The following EML6 variants were observed in gnomAD, a reference collection of about 807,000 sequenced individuals.
The protein encoded by EML6 is echinoderm microtubule-associated protein-like 6.
Under a neutral mutation model 240.1 loss-of-function variants are expected in EML6, and 154 were observed. That is an observed-to-expected ratio of 0.64 (90% confidence interval 0.56 to 0.73). The LOEUF (loss-of-function observed/expected upper bound fraction) is 0.73, where lower values mean the gene tolerates loss of function less well. Among genes scored for constraint, EML6 ranks in the 30% least tolerant of loss-of-function variants. The pLI is 0.00. For missense variants in EML6, 2,964 were observed against 2,474.6 expected, an observed-to-expected ratio of 1.20 and a Z score of -4.20; for synonymous variants, 1,148 against 899.0, an observed-to-expected ratio of 1.28 and a Z score of -4.95.
intron 3 of EML6, among the ~76,000 whole-genome samples, chr2:54,815,764 C>T (rs762085324): frequency 6.6e-6 from 1 of 152,190 alleles, no homozygotes. Flanking sequence ...TGAAGAATCC[C>T]TGCATAACAG....
In EML6 at chr2:54,960,225, A is replaced by G; in HGVS notation, c.4859A>G (p.Lys1620Arg). 2 of 1,550,950 alleles carry G rather than the reference A, an allele frequency of 1.3e-6. No homozygotes were observed. Among genetic ancestry groups the G allele is most frequent in the Non-Finnish European group, 1.7e-6 (2 of 1,146,422 alleles). ...TCCCTTTCAATCTTTTTTAGGACCA[A>G]AGAAGGAGGTGCTGTAAAATTGTGG... ...IVTGGKERPT[K>R]EGGAVKLWDQ... The change falls in exon 35 of 42, where the codon AAA becomes AGA. Residue 1620 changes from lysine to arginine, a missense_variant. Physicochemically the swap from Lys to Arg is conservative, Grantham distance 26 (BLOSUM62 2). Transcript: ENST00000356458.
At chr2:54,851,133 G>A (rs2103753194) in intron 10 of EML6, among the ~76,000 whole-genome samples, 1 of 152,308 alleles carries the variant, frequency 6.6e-6, no homozygotes, top group Non-Finnish European at 1.5e-5. Flanking sequence ...ATGAGGCCAG[G>A]CATGGTGGCT....
chr2:54,743,883 A>G (rs138765118), intron 2 of EML6, among the ~76,000 whole-genome samples: 183 of 152,314 alleles, frequency 1.2e-3, no homozygotes, highest in African/African-American at 4.1e-3. Context: ...CATCTTGCAC[A>G]TATCTTTGAA....
At chr2:54,955,309 G>A (rs1021244445) in intron 32 of EML6, among the ~76,000 whole-genome samples, 5 of 152,118 alleles carry the variant, frequency 3.3e-5, no homozygotes, top group Non-Finnish European at 7.4e-5. Flanking sequence ...CTTGGAGTGG[G>A]AAGAACTAGA....
At chr2:54,846,945 G>T (rs1669794406) in intron 8 of EML6, among the ~76,000 whole-genome samples, 1 of 75,042 alleles carries the variant, frequency 1.3e-5, no homozygotes, top group Non-Finnish European at 3.4e-5. Context: ...TTGGAGACAG[G>T]GCCTTGCACT....
chr2:54,926,534 A>G (rs1335261926), intron 26 of EML6, among the ~76,000 whole-genome samples: 4 of 152,238 alleles, frequency 2.6e-5, no homozygotes, highest in South Asian at 2.1e-4. Context: ...CATTCATCCC[A>G]ATGGCTGTGC....
chr2:54,740,015 G>C (rs753448460), intron 2 of EML6, among the ~76,000 whole-genome samples: 1 of 152,214 alleles, frequency 6.6e-6, no homozygotes, highest in African/African-American at 2.4e-5. Context: ...GACTTAGTCA[G>C]CTGGTTGAAT....
chr2:54,748,892 C>G (rs1205458259), intron 2 of EML6, among the ~76,000 whole-genome samples: 1 of 152,246 alleles, frequency 6.6e-6, no homozygotes, highest in Non-Finnish European at 1.5e-5. Flanking sequence ...TTTGTCAGTT[C>G]AATCTTGGTT....
intron 40 of EML6, 50 bp downstream of exon 40, chr2:54,968,331 T>C: frequency 6.5e-7 from 1 of 1,534,122 alleles, no homozygotes; most frequent in Non-Finnish European, 8.8e-7. Context: ...TTTGGCCGTC[T>C]GCAGGAGATA....
intron 24 of EML6, among the ~76,000 whole-genome samples, chr2:54,906,336 T>C (rs1021537628): frequency 1.3e-5 from 2 of 152,146 alleles, no homozygotes; most frequent in Non-Finnish European, 2.9e-5. Flanking sequence ...TAAAGAGAAG[T>C]AAGTCCCAGA....
At chr2:54,843,964 TTGTGTGTGTG>T (rs70944190) in intron 7 of EML6, 73 bp from the exon 8 acceptor site, 664 of 658,668 alleles carry the variant, frequency 1.0e-3, no homozygotes, top group Middle Eastern at 1.3e-3. Flanking sequence ...CTTTAGGGTT[TTGTGTGTGTG>T]TGTGTGTGTG....
intron 2 of EML6, among the ~76,000 whole-genome samples, chr2:54,764,774 C>T (rs1419857531): frequency 1.3e-5 from 2 of 152,164 alleles, no homozygotes; most frequent in Non-Finnish European, 2.9e-5. Flanking sequence ...AGCAAAAGGC[C>T]ATGGTGGCCT....
At chr2:54,866,018 C>T (rs185392240) in intron 13 of EML6, among the ~76,000 whole-genome samples, 2 of 152,290 alleles carry the variant, frequency 1.3e-5, no homozygotes, top group Non-Finnish European at 2.9e-5. Flanking sequence ...TGGTTAATTG[C>T]ATCTGTAGTA....
At chr2:54,804,044 T>A (rs1467798865) in intron 2 of EML6, among the ~76,000 whole-genome samples, 1 of 152,190 alleles carries the variant, frequency 6.6e-6, no homozygotes, top group Non-Finnish European at 1.5e-5. Context: ...ACCTTCCAAA[T>A]CCCTTGATAG....
intron 25 of EML6, among the ~76,000 whole-genome samples, chr2:54,913,411 C>T (rs989817244): frequency 6.6e-6 from 1 of 152,034 alleles, no homozygotes; most frequent in Non-Finnish European, 1.5e-5. Context: ...CCATGCCCAG[C>T]TAATTCTTGT....
intron 2 of EML6, among the ~76,000 whole-genome samples, chr2:54,749,820 T>C (rs1024507965): frequency 6.6e-6 from 1 of 152,188 alleles, no homozygotes; most frequent in African/African-American, 2.4e-5. Context: ...TTGTCTGGCA[T>C]ATTTTAGTCA....
chr2:54,905,436 C>A (rs1673277761), intron 24 of EML6, among the ~76,000 whole-genome samples: 1 of 148,174 alleles, frequency 6.7e-6, no homozygotes, highest in Middle Eastern at 3.6e-3. Context: ...GGATTAAAAC[C>A]CATTATTGTT....
At chr2:54,867,195 T>G (rs1671017864) in intron 14 of EML6, 1 of 197,360 alleles carries the variant, frequency 5.1e-6, no homozygotes, top group African/African-American at 2.3e-5. Context: ...CATCTTCACT[T>G]CCTCTTTCTC....
At position 54,894,968 on chromosome 2, in the gene EML6, T is replaced by G. The variant is rs1488083765; in HGVS notation, c.2796T>G (p.Phe932Leu). 1.3e-6 allele frequency: 2 copies of G among 1,551,450 alleles called. No homozygotes were observed. The highest frequency in any genetic ancestry group is 1.7e-6 in the Non-Finnish European group (2 of 1,146,790). ...DGIVELWDDM[F>L]ERCLKTYAIK... is the part of the protein sequence containing the mutation. Reference sequence around the variant, plus strand: ...TCGTGGAGCTCTGGGATGATATGTTTGAAAGATGTTTGAAGACTTATGCCA... The same window carrying G: ...TCGTGGAGCTCTGGGATGATATGTTGGAAAGATGTTTGAAGACTTATGCCA... Residue 932 changes from phenylalanine to leucine, a missense_variant, in exon 20 of 42, where the codon TTT becomes TTG. By Grantham distance (22) the Phe-to-Leu change is conservative (BLOSUM62 0). Transcript: ENST00000356458.
Sources: gnomAD v4.1 joint callset for allele counts (sites outside exome capture counted in the v4.1 genomes callset) on GRCh38, gnomAD v4.1.1 for gene constraint, MANE v1.5 for transcripts, NCBI Gene and HGNC (gene_info 2026-07-23, HGNC 2026-07-21) for gene names.